DDX19A: variants seen among roughly 807,000 people sequenced by gnomAD.
DDX19A encodes DEAD-box helicase 19A.
DDX19A carries 12 observed loss-of-function variants against 60.6 expected under a neutral mutation model. That is an observed-to-expected ratio of 0.20 (90% CI 0.13 to 0.32). The LOEUF (loss-of-function observed/expected upper bound fraction) is 0.32, where lower values mean the gene tolerates loss of function less well. Ranked by LOEUF, DDX19A falls within the 10% of genes least tolerant of loss-of-function variation. The pLI, the probability that DDX19A is intolerant of heterozygous loss-of-function variation, is 1.00. For missense variants in DDX19A, 337 were observed against 600.6 expected (o/e 0.56, Z 4.59); for synonymous variants, 206 against 218.2 (o/e 0.94, Z 0.49).
In DDX19A at chr16:70,356,213, C is replaced by G; in HGVS notation, c.259C>G (p.Leu87Val). The change falls in exon 4 of 12, where the codon CTG becomes GTG. Residue 87 changes from leucine to valine, a missense_variant. Physicochemically the swap from Leu to Val is conservative, Grantham distance 32. This residue lies in a region of DDX19A where 127 missense variants were observed against 160.3 expected (regional missense o/e 0.79). Coordinates refer to ENST00000302243, the MANE Select transcript of DDX19A (RefSeq NM_018332.5). The part of the protein sequence containing the change: ...EVLQRDPNSP[L>V]YSVKSFEELR... ...CCTGCAACGGGATCCAAACTCCCCT[C>G]TGTACTCGGTGAAGTCGTTTGAAGA... 6.2e-7 allele frequency: 1 copy of G among 1,614,170 alleles called. No individual in the cohort carries two copies. Among genetic ancestry groups the G allele is most frequent in the Non-Finnish European group, 8.5e-7 (1 of 1,180,028 alleles).
chr16:70,369,612 C>A (rs1256797273), intron 9 of DDX19A, among the ~76,000 whole-genome samples: 5 of 145,996 alleles, frequency 3.4e-5, no homozygotes, highest in Non-Finnish European at 7.5e-5. Flanking sequence ...TTTTTTTTTT[C>A]TTTTCTTCTT....
At chr16:70,347,423 C>T (rs1963868403) in intron 1 of DDX19A, among the ~76,000 whole-genome samples, 1 of 152,200 alleles carries the variant, frequency 6.6e-6, no homozygotes, top group Admixed American at 6.5e-5. Flanking sequence ...TAGATCCATG[C>T]TTAACGTGGT....
At chr16:70,359,911 T>C (rs1964318695) in intron 4 of DDX19A, among the ~76,000 whole-genome samples, 1 of 152,182 alleles carries the variant, frequency 6.6e-6, no homozygotes, top group South Asian at 2.1e-4. Flanking sequence ...AATCTGAGCA[T>C]TTGTAAAGTT....
chr16:70,348,124 C>T (rs991677603), intron 1 of DDX19A: 4 of 267,544 alleles, frequency 1.5e-5, no homozygotes, highest in East Asian at 1.4e-4. Context: ...CTGATAGCCC[C>T]GAGATAGAGG....
Position 70,366,748 on chromosome 16 carries a change from C to T in DDX19A, c.907C>T (p.Leu303=), listed in dbSNP as rs528223982. The T allele has an allele frequency of 2.4e-5, 39 of 1,614,220 alleles. No homozygotes were observed. The East Asian group carries it at 2.9e-4, about 12-fold the overall frequency. ...CAAACTGAAGCGTGAGGAAGAGACC[C>T]TGGATACCATCAAGCAGTACTATGT... ...VIKLKREEET[L]DTIKQYYVLC... Residue 303 remains leucine, a synonymous_variant, in exon 9 of 12, where the codon CTG becomes TTG. Coordinates refer to ENST00000302243, the MANE Select transcript of DDX19A (RefSeq NM_018332.5).
At chr16:70,360,377 G>C (rs1314908074) in intron 4 of DDX19A, among the ~76,000 whole-genome samples, 1 of 144,412 alleles carries the variant, frequency 6.9e-6, no homozygotes, top group African/African-American at 2.6e-5. Context: ...CCAGAGTGCA[G>C]CGGGGCAATC....
intron 9 of DDX19A, 144 bp from the exon 10 acceptor site, chr16:70,370,079 C>T (rs1964636868): frequency 8.4e-7 from 1 of 1,189,312 alleles, no homozygotes; most frequent in East Asian, 2.6e-5. Context: ...CACCTGTACT[C>T]CCAGCCCTTT....
chr16:70,353,693 G>A (rs924376334), intron 2 of DDX19A, among the ~76,000 whole-genome samples: 1 of 79,746 alleles, frequency 1.3e-5, no homozygotes, highest in Admixed American at 1.4e-4. Context: ...CTGAGGTCGG[G>A]AGTTTGAGAC....
chr16:70,371,921 C>T lies in DDX19A; in HGVS notation c.1376-4C>T. 6.2e-7 allele frequency: 1 copy of T among 1,613,920 alleles called. No individual in the cohort carries two copies. The highest frequency in any genetic ancestry group is 8.5e-7 in the Non-Finnish European group (1 of 1,179,854). On this transcript the variant is annotated splice_region_variant and splice_polypyrimidine_tract_variant and intron_variant, in intron 11 of 11. Coordinates refer to ENST00000302243, the MANE Select transcript of DDX19A (RefSeq NM_018332.5). The stretch of plus-strand genomic sequence containing the variant: ...GGGTAGAGACTTGTGTATCTTTCCC[C>T]CAGATAAGAAGATAGAAAGATTGGA...
rs775630463 is a variant in DDX19A, at chr16:70,346,934, C to T, written c.-58C>T. 8.4e-6 allele frequency: 13 copies of T among 1,548,390 alleles called. No individual in the cohort carries two copies. In the Admixed American group the frequency reaches 9.2e-5, roughly 11 times the overall value. On this transcript the variant is annotated 5_prime_UTR_variant, in exon 1 of 12. Coordinates refer to ENST00000302243, the MANE Select transcript of DDX19A (RefSeq NM_018332.5). The stretch of plus-strand genomic sequence containing the variant: ...TCGCGCCGGTGGCGAGGTTAGGGCC[C>T]GCGTTGCGACGTGGTGCAGCGCATA...
rs1357630591 is a variant in DDX19A at position 70,371,362 on chromosome 16, C to T, written c.1184-10C>T. ...TTAGTCCTCTCAGCCTCCAACTCTC[C>T]TTCCTGCAGGCATTGATGTTGAACA... is the stretch of plus-strand genomic sequence containing the variant. On this transcript the variant is annotated splice_polypyrimidine_tract_variant and intron_variant, in intron 10 of 11. Transcript: ENST00000302243. 1.9e-6 allele frequency: 3 copies of T among 1,613,876 alleles called. No homozygotes were observed. The highest frequency in any genetic ancestry group is 2.2e-5 in the East Asian group (1 of 44,886).
At chr16:70,364,968 T>A (rs1178605059) in intron 6 of DDX19A, 49 bp from the exon 7 acceptor site, 1 of 1,485,798 alleles carries the variant, frequency 6.7e-7, no homozygotes, top group Non-Finnish European at 9.4e-7. Context: ...CCTTCAGGTC[T>A]GTTACCAAAT....
At position 70,356,233 on chromosome 16, in the gene DDX19A, T is replaced by G; in HGVS notation, c.279T>G (p.Phe93Leu). ...PNSPLYSVKS[F>L]EELRLKPQLL... Reference sequence around the variant, plus strand: ...CCCCTCTGTACTCGGTGAAGTCGTTTGAAGAGCTTCGGCTGTGAGTATTCG... The same window carrying G: ...CCCCTCTGTACTCGGTGAAGTCGTTGGAAGAGCTTCGGCTGTGAGTATTCG... Residue 93 changes from phenylalanine to leucine, a missense_variant, in exon 4 of 12, where the codon TTT becomes TTG. Phe to Leu is a conservative substitution (Grantham distance 22, BLOSUM62 0). Transcript: ENST00000302243. 1 of 1,614,222 alleles carries G rather than the reference T, an allele frequency of 6.2e-7. No homozygotes were observed. The highest frequency in any genetic ancestry group is 1.1e-5 in the South Asian group (1 of 91,084).
At chr16:70,357,271 ATATAT>A (rs1426770349) in intron 4 of DDX19A, among the ~76,000 whole-genome samples, 1 of 64,436 alleles carries the variant, frequency 1.6e-5, no homozygotes, top group African/African-American at 4.3e-5. Flanking sequence ...AAAAAAAAAA[ATATAT>A]ATATATATAT....
intron 7 of DDX19A, 93 bp from the exon 8 acceptor site, chr16:70,365,992 G>C: frequency 6.3e-7 from 1 of 1,580,366 alleles, no homozygotes; most frequent in Non-Finnish European, 8.7e-7. Context: ...GAAATAACTT[G>C]TTCTCCTAGT....
intron 7 of DDX19A, 196 bp from the exon 8 acceptor site, chr16:70,365,889 G>C (rs1179435270): frequency 9.6e-6 from 7 of 725,792 alleles, no homozygotes; most frequent in South Asian, 1.8e-5. Flanking sequence ...ATTTGATCCT[G>C]ACCACAGTGC....
chr16:70,364,285 G>T (rs963544031), intron 5 of DDX19A: 6 of 398,362 alleles, frequency 1.5e-5, no homozygotes, highest in Non-Finnish European at 2.8e-5. Flanking sequence ...CAAAACTGGG[G>T]TCCTTTAGCT....
At chr16:70,348,009 G>A in intron 1 of DDX19A, 1 of 451,084 alleles carries the variant, frequency 2.2e-6, no homozygotes, top group Non-Finnish European at 4.5e-6. Context: ...ATTTTTGAGA[G>A]GGCTATTGAC....
intron 10 of DDX19A, chr16:70,371,116 C>A (rs548981012): frequency 6.1e-5 from 38 of 626,732 alleles, no homozygotes; most frequent in Middle Eastern, 4.4e-4. Context: ...CCAGGGGCGC[C>A]CATCTCCAGA....
Sources: allele counts gnomAD v4.1 joint callset (sites outside exome capture counted in the v4.1 genomes callset), GRCh38; gene constraint gnomAD v4.1.1; regional missense constraint gnomAD v4.1.1; transcripts MANE v1.5; gene names NCBI Gene and HGNC (gene_info 2026-07-23, HGNC 2026-07-21).